Variants in VRK2 observed in about 807,000 individuals in gnomAD.
VRK2 encodes the protein VRK serine/threonine kinase 2, also known as serine/threonine-protein kinase VRK2.
Under a neutral mutation model 57.6 loss-of-function variants are expected in VRK2, and 60 were observed. The ratio of observed to expected loss-of-function variants is 1.04; its 90% CI spans 0.85 to 1.29. The LOEUF is 1.29. Ranked by LOEUF, VRK2 falls within the 50% of genes most tolerant of loss-of-function variation. The probability of loss-of-function intolerance (pLI) is 0.00; values close to 1 mark genes in which losing one functional copy is unlikely to be tolerated. For synonymous variants in VRK2, 231 were observed against 199.2 expected, an observed-to-expected ratio of 1.16 and a Z score of -1.35; for missense variants, 705 against 588.1, an observed-to-expected ratio of 1.20 and a Z score of -2.06.
intron 1 of VRK2, among the ~76,000 whole-genome samples, chr2:57,920,138 A>G (rs966047207): frequency 6.6e-6 from 1 of 152,148 alleles, no homozygotes. Context: ...AGCTAATTAC[A>G]TGGTAGCCAT....
At chr2:58,107,613 G>A (rs1024941600) in intron 7 of VRK2, among the ~76,000 whole-genome samples, 1 of 152,106 alleles carries the variant, frequency 6.6e-6, no homozygotes, top group Non-Finnish European at 1.5e-5. Flanking sequence ...TTATAAGGTG[G>A]TATATTGTAC....
intron 7 of VRK2, among the ~76,000 whole-genome samples, chr2:58,119,161 C>A (rs1299894157): frequency 6.6e-6 from 1 of 152,046 alleles, no homozygotes; most frequent in Non-Finnish European, 1.5e-5. Flanking sequence ...AGAGAGAGAT[C>A]TTGGTTCTGA....
intron 1 of VRK2, among the ~76,000 whole-genome samples, chr2:58,013,763 G>T (rs1223474956): frequency 1.3e-5 from 2 of 149,832 alleles, no homozygotes; most frequent in Non-Finnish European, 3.0e-5. Flanking sequence ...GGAGGCTGAG[G>T]CAGGAGAATG....
chr2:58,106,061 A>G (rs1475211226), intron 7 of VRK2, among the ~76,000 whole-genome samples: 1 of 151,990 alleles, frequency 6.6e-6, no homozygotes, highest in Admixed American at 6.6e-5. Flanking sequence ...GAGGAAGACC[A>G]TTAAGCCAAT....
At chr2:57,955,575 C>T (rs959885219) in intron 1 of VRK2, among the ~76,000 whole-genome samples, 2 of 151,972 alleles carry the variant, frequency 1.3e-5, no homozygotes, top group Non-Finnish European at 2.9e-5. Context: ...CAGAATAAAA[C>T]CGTTAATTTT....
chr2:58,040,398 A>G (rs1230882966), intron 3 of VRK2, among the ~76,000 whole-genome samples: 3 of 152,214 alleles, frequency 2.0e-5, no homozygotes, highest in Non-Finnish European at 2.9e-5. Context: ...ATATAACATA[A>G]TATCTTTCAC....
At chr2:58,047,682 G>A (rs1038785457) in intron 1 of VRK2, among the ~76,000 whole-genome samples, 1 of 152,136 alleles carries the variant, frequency 6.6e-6, no homozygotes, top group Non-Finnish European at 1.5e-5. Flanking sequence ...AACTTTTCCT[G>A]CTTTATGATA....
chr2:57,977,391 C>T (rs1672284296), intron 1 of VRK2, among the ~76,000 whole-genome samples: 1 of 152,114 alleles, frequency 6.6e-6, no homozygotes, highest in Admixed American at 6.6e-5. Flanking sequence ...TCCCTGAGTT[C>T]CTTCAGCAGT....
At chr2:57,945,400 T>A (rs1206220068) in intron 1 of VRK2, among the ~76,000 whole-genome samples, 1 of 152,138 alleles carries the variant, frequency 6.6e-6, no homozygotes, top group African/African-American at 2.4e-5. Context: ...TGTCACCATA[T>A]CTACCAGTAT....
At chr2:58,061,000 T>C (rs952994482) in intron 2 of VRK2, among the ~76,000 whole-genome samples, 2 of 151,902 alleles carry the variant, frequency 1.3e-5, no homozygotes, top group East Asian at 1.9e-4. Flanking sequence ...GAAAGGAGTG[T>C]ATGATTGAAA....
rs377653814 is a variant in VRK2 at position 58,046,916 on chromosome 2, T to G, written c.-6+48T>G. On this transcript the variant is annotated intron_variant, in intron 1 of 12. Transcript: ENST00000340157. ...TTGGGTGGCGGGCGGCACCTCCGCT[T>G]GCAGTGCCGGAGCCGCGGCCCCGCT... 2.7e-3 allele frequency: 2,705 copies of G among 985,450 alleles called. 47 individuals are homozygous for G. The African/African-American group carries it at 0.037, about 14-fold the overall frequency. 61.0% of individuals were successfully genotyped at this position (985,450 alleles called of 1,614,324 possible).
At position 58,057,477 on chromosome 2, in the gene VRK2, A is replaced by G. The variant is rs185855641; in HGVS notation, c.136+8510A>G. 6.0e-5 allele frequency among the ~76,000 whole-genome samples: 9 copies of G among 148,824 alleles called. No individual in the cohort carries two copies. The East Asian group carries it at 1.6e-3, about 26-fold the overall frequency. ...GTATGGAGAGGGGACTAAAAAATGG[A>G]CATTGTGTTAAGACAAATCAGTTTT... is the stretch of plus-strand genomic sequence containing the variant. On this transcript the variant is annotated intron_variant, in intron 2 of 12. Transcript: ENST00000340157.
At chr2:58,075,244 G>T (rs1229948048) in intron 2 of VRK2, among the ~76,000 whole-genome samples, 1 of 152,034 alleles carries the variant, frequency 6.6e-6, no homozygotes, top group Non-Finnish European at 1.5e-5. Context: ...TTATGGCTGT[G>T]TAGTATTCCG....
chr2:58,104,464 A>G (rs1573121290), intron 7 of VRK2, among the ~76,000 whole-genome samples: 1 of 135,532 alleles, frequency 7.4e-6, no homozygotes, highest in African/African-American at 3.8e-5. Context: ...TATTTACAGT[A>G]ACTAAAAAAA....
At chr2:58,100,103 A>T (rs1227955042) in intron 7 of VRK2, among the ~76,000 whole-genome samples, 3 of 151,988 alleles carry the variant, frequency 2.0e-5, no homozygotes, top group Admixed American at 2.0e-4. Context: ...TTACTTTCAA[A>T]GTTCCTAGGA....
chr2:58,159,886 A>C, downstream of VRK2: 1 of 1,585,648 alleles, frequency 6.3e-7, no homozygotes. Flanking sequence ...GTCATAGAAT[A>C]GTGTCATAGT....
chr2:58,094,251 T>C (rs1672799393), intron 7 of VRK2, among the ~76,000 whole-genome samples: 1 of 152,192 alleles, frequency 6.6e-6, no homozygotes. Context: ...TAAATTACCT[T>C]GGGCAGTATG....
chr2:58,063,040 G>A (rs1413418572), intron 2 of VRK2, among the ~76,000 whole-genome samples: 3 of 152,098 alleles, frequency 2.0e-5, no homozygotes, highest in South Asian at 2.1e-4. Context: ...ACTTTAAGTC[G>A]AAGCCAGTGC....
chr2:58,127,562 C>T (rs1209111794), intron 8 of VRK2, among the ~76,000 whole-genome samples: 2 of 152,124 alleles, frequency 1.3e-5, no homozygotes. Context: ...ATAAAATATT[C>T]TGGATCTTTA....
Sources: allele counts gnomAD v4.1 joint callset (sites outside exome capture counted in the v4.1 genomes callset), GRCh38; gene constraint gnomAD v4.1.1; transcripts MANE v1.5; gene names NCBI Gene and HGNC (gene_info 2026-07-23, HGNC 2026-07-21).